AAK1: variants seen among roughly 807,000 people sequenced by gnomAD.
AAK1 encodes AP2 associated kinase 1, also known as AP2-associated protein kinase 1.
A neutral mutation model predicts 116.0 loss-of-function variants in AAK1; 37 were observed. That is an observed-to-expected ratio of 0.32 (90% CI 0.25 to 0.42). AAK1 has a LOEUF of 0.42. AAK1 is among the 10% of genes least tolerant of loss of function. The pLI, the probability that AAK1 is intolerant of heterozygous loss-of-function variation, is 1.00. For missense variants in AAK1, 919 were observed against 1,170.6 expected (o/e 0.79, Z 3.14); for synonymous variants, 458 against 439.9 (o/e 1.04, Z -0.51).
At chr2:69,631,894 C>T (rs546437651) in intron 2 of AAK1, among the ~76,000 whole-genome samples, 1 of 152,084 alleles carries the variant, frequency 6.6e-6, no homozygotes, top group Non-Finnish European at 1.5e-5. Context: ...GTGGAAGGAT[C>T]GCTTGAGCCC....
Position 69,472,855 on chromosome 2 carries a change from T to C in AAK1, c.*3014A>G. ...TGTGTCCACGCATGTGTTTCTGTAA[T>C]ACTTAAAAAGGAAAATCTCTAAGAT... On this transcript the variant is annotated 3_prime_UTR_variant, in exon 22 of 22. Coordinates refer to ENST00000409085, the MANE Select transcript of AAK1 (RefSeq NM_014911.5). 1 of 985,764 alleles carries C rather than the reference T, an allele frequency of 1.0e-6. No individual in the cohort carries two copies. Among genetic ancestry groups the C allele is most frequent in the Non-Finnish European group, 1.2e-6 (1 of 829,870 alleles). The allele number at this position is 985,764 out of a possible 1,614,324, so 61.1% of individuals were successfully genotyped here. A position where few individuals can be genotyped will look rare whatever the true frequency, so the allele number is the denominator to read the frequency against.
At chr2:69,586,804 A>T (rs1473126281) in intron 2 of AAK1, among the ~76,000 whole-genome samples, 1 of 152,220 alleles carries the variant, frequency 6.6e-6, no homozygotes, top group African/African-American at 2.4e-5. Context: ...GGAAGTTTTT[A>T]AAAAGATAAT....
chr2:69,531,909 C>T, intron 6 of AAK1, 132 bp downstream of exon 6: 2 of 1,426,170 alleles, frequency 1.4e-6, no homozygotes, highest in Non-Finnish European at 1.9e-6. Context: ...CAACTGTAAA[C>T]ATGATGCTCT....
At chr2:69,588,143 G>A (rs1450444293) in intron 2 of AAK1, among the ~76,000 whole-genome samples, 1 of 152,128 alleles carries the variant, frequency 6.6e-6, no homozygotes, top group South Asian at 2.1e-4. Context: ...CCATAGTAAC[G>A]TGACCTGAGT....
chr2:69,513,875 C>A (rs923342706), intron 13 of AAK1, among the ~76,000 whole-genome samples: 15 of 152,212 alleles, frequency 9.9e-5, no homozygotes, highest in Non-Finnish European at 1.9e-4. Context: ...ATGCCATACT[C>A]AGCCAATATC....
chr2:69,465,726 C>A lies in AAK1; in HGVS notation c.*10143G>T. ...TCCTTTGTTTCTGTCATTAGAATGA[C>A]CCCCAGATTCCAGGCAGGATCCCCT... is the stretch of plus-strand genomic sequence containing the variant. On this transcript the variant is annotated 3_prime_UTR_variant, in exon 22 of 22. Coordinates refer to ENST00000409085, the MANE Select transcript of AAK1 (RefSeq NM_014911.5). 7.7e-7 allele frequency: 1 copy of A among 1,290,856 alleles called. No homozygotes were observed. Among genetic ancestry groups the A allele is most frequent in the Non-Finnish European group, 1.0e-6 (1 of 988,864 alleles). The allele number at this position is 1,290,856 out of a possible 1,614,324, so 80.0% of individuals were successfully genotyped here.
At chr2:69,497,958 T>C (rs1449207684) in intron 16 of AAK1, among the ~76,000 whole-genome samples, 1 of 152,150 alleles carries the variant, frequency 6.6e-6, no homozygotes, top group Non-Finnish European at 1.5e-5. Context: ...TCAGTGCCGA[T>C]GTCACCCATA....
At chr2:69,484,177 T>C (rs1675200364) in intron 17 of AAK1, among the ~76,000 whole-genome samples, 1 of 152,212 alleles carries the variant, frequency 6.6e-6, no homozygotes, top group African/African-American at 2.4e-5. Flanking sequence ...TCCAAGAACG[T>C]GTATATAACG....
intron 3 of AAK1, among the ~76,000 whole-genome samples, chr2:69,554,201 CTG>C (rs749802076): frequency 2.0e-5 from 3 of 152,116 alleles, no homozygotes; most frequent in Non-Finnish European, 4.4e-5. Context: ...CAAGATTCGA[CTG>C]TAAATTAGTC....
At chr2:69,530,780 T>G (rs1342466670) in intron 6 of AAK1, 74 bp from the exon 7 acceptor site, 3 of 1,199,124 alleles carry the variant, frequency 2.5e-6, no homozygotes, top group Non-Finnish European at 3.6e-6. Flanking sequence ...CAGAAATACT[T>G]TTTTTCTTTT....
intron 2 of AAK1, among the ~76,000 whole-genome samples, chr2:69,637,268 A>G (rs1675488394): frequency 6.6e-6 from 1 of 152,088 alleles, no homozygotes; most frequent in Admixed American, 6.5e-5. Context: ...CCAACCCACA[A>G]AATTGTTGCC....
chr2:69,521,856 G>A (rs890884546), intron 10 of AAK1, among the ~76,000 whole-genome samples: 26 of 152,256 alleles, frequency 1.7e-4, no homozygotes, highest in African/African-American at 5.8e-4. Context: ...TAGCTACACT[G>A]TAGGAATGGT....
chr2:69,604,303 TGTC>T (rs1673703074), intron 2 of AAK1, among the ~76,000 whole-genome samples: 1 of 152,202 alleles, frequency 6.6e-6, no homozygotes, highest in African/African-American at 2.4e-5. Flanking sequence ...TCTTTCGTGT[TGTC>T]ATGAACTTCT....
intron 2 of AAK1, among the ~76,000 whole-genome samples, chr2:69,628,156 A>C (rs1333073577): frequency 6.6e-6 from 1 of 152,044 alleles, no homozygotes; most frequent in Non-Finnish European, 1.5e-5. Flanking sequence ...CCTCAAAACT[A>C]TTGTCTTGGC....
intron 3 of AAK1, 77 bp downstream of exon 3, chr2:69,556,783 C>G: frequency 8.6e-7 from 1 of 1,165,112 alleles, no homozygotes; most frequent in East Asian, 2.5e-5. Flanking sequence ...GGGAACAAAC[C>G]CCGCTTGGCT....
Position 69,525,128 on chromosome 2 carries a change from CA to C in AAK1, c.976-17del, listed in dbSNP as rs1271751304. ...TGGGAGAGTTCTATAGAATTGCAAA[CA>C]AAACAGAACAAAACAAAAGGACATC... On this transcript the variant is annotated splice_polypyrimidine_tract_variant and intron_variant, in intron 9 of 21. Coordinates refer to ENST00000409085, the MANE Select transcript of AAK1 (RefSeq NM_014911.5). 1 of 1,608,330 alleles carries C rather than the reference CA, an allele frequency of 6.2e-7. No individual in the cohort carries two copies. The highest frequency in any genetic ancestry group is 1.3e-5 in the African/African-American group (1 of 74,750).
At chr2:69,573,566 T>A (rs575521125) in intron 2 of AAK1, among the ~76,000 whole-genome samples, 5 of 152,304 alleles carry the variant, frequency 3.3e-5, no homozygotes, top group African/African-American at 1.2e-4. Flanking sequence ...AGACCTCTGG[T>A]AGAATGTTGG....
intron 2 of AAK1, among the ~76,000 whole-genome samples, chr2:69,572,013 TA>T (rs1352718639): frequency 1.3e-5 from 2 of 151,982 alleles, no homozygotes; most frequent in Non-Finnish European, 2.9e-5. Flanking sequence ...TCAGATGAAA[TA>T]AAAGCCCAGC....
intron 2 of AAK1, among the ~76,000 whole-genome samples, chr2:69,568,473 C>G (rs1478737527): frequency 6.1e-5 from 9 of 147,700 alleles, no homozygotes; most frequent in Admixed American, 2.7e-4. Flanking sequence ...CTCTGTTACC[C>G]AAACTGGAGT....
Sources: allele counts gnomAD v4.1 joint callset (sites outside exome capture counted in the v4.1 genomes callset), GRCh38; gene constraint gnomAD v4.1.1; transcripts MANE v1.5; gene names NCBI Gene and HGNC (gene_info 2026-07-23, HGNC 2026-07-21).